The following FHAD1 variants were observed in gnomAD, a reference collection of about 807,000 sequenced individuals.
The protein encoded by FHAD1 is forkhead associated phosphopeptide binding domain 1.
Under a neutral mutation model 191.3 loss-of-function variants are expected in FHAD1, and 146 were observed. The ratio of observed to expected loss-of-function variants is 0.76; its 90% CI spans 0.67 to 0.88. The LOEUF is 0.88. Ranked by LOEUF, FHAD1 falls within the 40% of genes least tolerant of loss-of-function variation. The pLI is 0.00. For synonymous variants in FHAD1, 616 were observed against 672.3 expected (o/e 0.92, Z 1.29); for missense variants, 1,635 against 1,785.8 (o/e 0.92, Z 1.52).
chr1:15,268,244 T>C (rs1309953551), intron 2 of FHAD1, among the ~76,000 whole-genome samples: 7 of 150,226 alleles, frequency 4.7e-5, no homozygotes, highest in South Asian at 2.1e-4. Context: ...GAATATACGG[T>C]GTTTGGTTTT....
intron 3 of FHAD1, among the ~76,000 whole-genome samples, chr1:15,279,864 G>A (rs1659935229): frequency 6.6e-6 from 1 of 152,064 alleles, no homozygotes; most frequent in African/African-American, 2.4e-5. Context: ...ACCCATGCAG[G>A]AGATGGATGC....
At chr1:15,389,873 A>G (rs955318906) in intron 32 of FHAD1, among the ~76,000 whole-genome samples, 1 of 152,268 alleles carries the variant, frequency 6.6e-6, no homozygotes, top group African/African-American at 2.4e-5. Flanking sequence ...ACATAGTTAT[A>G]CTTAAAACAA....
At position 15,329,292 on chromosome 1, in the gene FHAD1, G is replaced by A. The variant is rs756535116; in HGVS notation, c.1711-54G>A. The A allele has an allele frequency of 8.4e-5, 120 of 1,435,952 alleles. No homozygotes were observed. The highest frequency in any genetic ancestry group is 1.1e-4 in the Non-Finnish European group (114 of 1,066,640). 89.0% of individuals were successfully genotyped at this position (1,435,952 alleles called of 1,614,324 possible). A position where few individuals can be genotyped will look rare whatever the true frequency, so the allele number is the denominator to read the frequency against. On this transcript the variant is annotated intron_variant, in intron 13 of 33. Transcript: ENST00000688493. This position sits in a 1 kb window ranked among gnomAD's most constrained non-coding sequence, Gnocchi z 5.0. ...ACGCTGTTCCTCGAAGGTCACGTCA[G>A]GGGCTATTTCTGGCCACAGGGCCTG...
intron 31 of FHAD1, among the ~76,000 whole-genome samples, chr1:15,385,156 A>G (rs4387176): frequency 0.12 from 17,630 of 150,384 alleles, 2,518 homozygotes; most frequent in African/African-American, 0.34. Context: ...CTTGCTGTTC[A>G]AGAATTTGAC....
Position 15,397,279 on chromosome 1 carries a change from T to C in FHAD1, c.4324-18T>C, listed in dbSNP as rs1706337384. ...TGCTGCAATGGAGTTTGTGTGTTTT[T>C]TCTCTTGCTTGTTAAAGGTTGGAAC... On this transcript the variant is annotated intron_variant, in intron 33 of 33. Coordinates refer to ENST00000688493, the MANE Select transcript of FHAD1 (RefSeq NM_001391957.1). 7.6e-7 allele frequency: 1 copy of C among 1,321,818 alleles called. No individual in the cohort carries two copies. The allele number at this position is 1,321,818 out of a possible 1,614,324, so 81.9% of individuals were successfully genotyped here.
intron 31 of FHAD1, chr1:15,383,157 A>G (rs1173423464): frequency 2.1e-6 from 1 of 471,602 alleles, no homozygotes; most frequent in Non-Finnish European, 4.4e-6. Context: ...CCTCATTAGT[A>G]GATGGGAGCT....
At chr1:15,301,495 C>A in intron 6 of FHAD1, 54 bp downstream of exon 6, 1 of 1,486,832 alleles carries the variant, frequency 6.7e-7, no homozygotes, top group African/African-American at 1.4e-5. Context: ...CCCGGGAGGC[C>A]CCAGGACCAC....
At chr1:15,355,906 TAA>T (rs33997410) in intron 20 of FHAD1, among the ~76,000 whole-genome samples, 3 of 125,252 alleles carry the variant, frequency 2.4e-5, no homozygotes, top group South Asian at 2.3e-4. Flanking sequence ...TTCCTGATTA[TAA>T]AAAAAAACCT....
intron 1 of FHAD1, among the ~76,000 whole-genome samples, chr1:15,241,487 T>A (rs2100549153): frequency 6.6e-6 from 1 of 152,018 alleles, no homozygotes; most frequent in East Asian, 1.9e-4. Context: ...CCCACCTATA[T>A]TAAAATACAA....
chr1:15,239,569 CAG>C (rs1410974840), intron 1 of FHAD1, among the ~76,000 whole-genome samples: 2 of 152,226 alleles, frequency 1.3e-5, no homozygotes, highest in Non-Finnish European at 2.9e-5. Flanking sequence ...GCCTGAGTGA[CAG>C]AGCGAGACTC....
rs1706361054 is a variant in FHAD1 at position 15,397,347 on chromosome 1, GAGGAAAGAGACCTC to G, written c.4375_4388del (p.Arg1459GlnfsTer11). On this transcript the variant is annotated frameshift_variant, in exon 34 of 34. Transcript: ENST00000688493. LOFTEE classifies it low-confidence loss of function (END_TRUNC). ...AGATGGACCAAGAAAGAGAGATGCT[GAGGAAAGAGACCTC>G]CAGCAAGTCCAGCCAGAGCCTTTTG... The G allele has an allele frequency of 6.5e-7, 1 of 1,542,068 alleles. No homozygotes were observed. The highest frequency in any genetic ancestry group is 2.0e-5 in the Admixed American group (1 of 50,584).
At chr1:15,279,469 C>G (rs919053098) in intron 3 of FHAD1, among the ~76,000 whole-genome samples, 1 of 151,372 alleles carries the variant, frequency 6.6e-6, no homozygotes, top group South Asian at 2.1e-4. Context: ...TGGAGCCCCC[C>G]CTCCCTCTTT....
At chr1:15,376,856 C>T (rs1188927754) in intron 28 of FHAD1, among the ~76,000 whole-genome samples, 7 of 152,060 alleles carry the variant, frequency 4.6e-5, no homozygotes, top group Admixed American at 6.6e-5. Context: ...GGAAACATAG[C>T]GAGACCCCAT....
At chr1:15,274,089 G>A (rs1657283044) in intron 3 of FHAD1, among the ~76,000 whole-genome samples, 1 of 152,234 alleles carries the variant, frequency 6.6e-6, no homozygotes, top group African/African-American at 2.4e-5. Flanking sequence ...CCTTTTGAAA[G>A]CTGAAGAATG....
intron 24 of FHAD1, among the ~76,000 whole-genome samples, chr1:15,366,284 CAAAAAAAAAA>C (rs35252287): frequency 3.8e-4 from 17 of 44,466 alleles, no homozygotes; most frequent in African/African-American, 1.5e-3. Flanking sequence ...GACTCTGTCT[CAAAAAAAAAA>C]AAAAAAAAAA....
In FHAD1 at chr1:15,289,538, G is replaced by A. The variant is rs2100553519; in HGVS notation, c.440G>A (p.Ser147Asn). The A allele has an allele frequency of 6.4e-7, 1 of 1,551,864 alleles. No homozygotes were observed. Among genetic ancestry groups the A allele is most frequent in the Non-Finnish European group, 8.7e-7 (1 of 1,147,034 alleles). ...GTCCAGCCAGCACCGATGCAAAGGA[G>A]CTGGTCCCAGGCCTTTCCCAGACCC... Reference protein sequence around the residue: ...QGVQPAPMQRSWSQAFPRPTV... With the variant: ...QGVQPAPMQRNWSQAFPRPTV... The change falls in exon 4 of 34, where the codon AGC becomes AAC. Residue 147 changes from serine (S) to asparagine (N), a missense_variant. Physicochemically the swap from Ser to Asn is conservative, Grantham distance 46. Transcript: ENST00000688493. This position sits in a 1 kb window ranked among gnomAD's most constrained non-coding sequence, Gnocchi z 4.2.
intron 2 of FHAD1, among the ~76,000 whole-genome samples, chr1:15,253,148 C>CTGTGTGTGTGTGTGTG (rs5772631): frequency 6.8e-6 from 1 of 146,046 alleles, no homozygotes; most frequent in Non-Finnish European, 1.5e-5. Flanking sequence ...GACATAAGTG[C>CTGTGTGTGTGTGTGTG]TGTGTGTGTG....
chr1:15,282,646 A>T (rs933827876), intron 3 of FHAD1, among the ~76,000 whole-genome samples: 3 of 152,234 alleles, frequency 2.0e-5, no homozygotes, highest in East Asian at 3.8e-4. Context: ...AAACTATTGG[A>T]TAATAGTTTT....
upstream of FHAD1, among the ~76,000 whole-genome samples, chr1:15,242,254 G>C (rs1185240985): frequency 7.8e-6 from 1 of 127,658 alleles, no homozygotes; most frequent in African/African-American, 2.9e-5. Context: ...AAAAAAAAAA[G>C]TTTACAAAAA....
Sources: allele counts gnomAD v4.1 joint callset (sites outside exome capture counted in the v4.1 genomes callset), GRCh38; gene constraint gnomAD v4.1.1; non-coding constraint Gnocchi (gnomAD v3.1); transcripts MANE v1.5; gene names NCBI Gene and HGNC (gene_info 2026-07-23, HGNC 2026-07-21).